Variants in EEFSEC observed in about 807,000 individuals in gnomAD.
EEFSEC encodes selenocysteine-specific elongation factor.
Under a neutral mutation model 42.1 loss-of-function variants are expected in EEFSEC, and 43 were observed. The ratio of observed to expected loss-of-function variants is 1.02; its 90% confidence interval spans 0.80 to 1.32. The LOEUF (loss-of-function observed/expected upper bound fraction) is 1.32. Ranked by LOEUF, EEFSEC falls within the 40% of genes most tolerant of loss-of-function variation. The pLI is 0.00. For missense variants in EEFSEC, 745 were observed against 803.6 expected (o/e 0.93, Z 0.88); for synonymous variants, 354 against 339.1 (o/e 1.04, Z -0.48).
At chr3:128,251,959 A>T (rs750959520) in intron 2 of EEFSEC, among the ~76,000 whole-genome samples, 7 of 152,182 alleles carry the variant, frequency 4.6e-5, no homozygotes, top group Non-Finnish European at 8.8e-5. Context: ...TTCCCCCAGG[A>T]TCCCTGTCAG....
At chr3:128,198,147 G>C (rs146026082) in intron 1 of EEFSEC, among the ~76,000 whole-genome samples, 3 of 152,274 alleles carry the variant, frequency 2.0e-5, no homozygotes, top group African/African-American at 4.8e-5. Flanking sequence ...GTAGGCAAGG[G>C]GGGGATGAAA....
rs569923930 is a variant in EEFSEC at position 128,282,673 on chromosome 3, A to G, written c.786+17892A>G. On this transcript the variant is annotated intron_variant, in intron 4 of 6. Transcript: ENST00000254730. ...TTCACCGGGGACTTGGTATGTGAAGATTTTCATCATCTAGGTGCCAGCACT... is the reference window on the plus strand; with the variant it reads ...TTCACCGGGGACTTGGTATGTGAAGGTTTTCATCATCTAGGTGCCAGCACT... 2.0e-5 allele frequency among the ~76,000 whole-genome samples: 3 copies of G among 152,210 alleles called. No homozygotes were observed. The South Asian group carries it at 6.2e-4, about 32-fold the overall frequency.
chr3:128,407,119 CAG>C (rs2068124487), intron 6 of EEFSEC, among the ~76,000 whole-genome samples: 1 of 152,138 alleles, frequency 6.6e-6, no homozygotes, highest in South Asian at 2.1e-4. Context: ...TGCACAAAGG[CAG>C]AGAGTGGTGA....
chr3:128,166,192 A>C (rs578079177), intron 1 of EEFSEC, among the ~76,000 whole-genome samples: 1 of 152,212 alleles, frequency 6.6e-6, no homozygotes, highest in Non-Finnish European at 1.5e-5. Flanking sequence ...GGGAGCCCTG[A>C]GGTGCTTACA....
chr3:128,262,052 C>A, intron 2 of EEFSEC, 76 bp from the exon 3 acceptor site: 1 of 1,386,300 alleles, frequency 7.2e-7, no homozygotes, highest in Non-Finnish European at 1.0e-6. Flanking sequence ...GGTACTGTGC[C>A]AGGTGCTTCA....
intron 5 of EEFSEC, among the ~76,000 whole-genome samples, chr3:128,343,466 G>T (rs921317608): frequency 3.3e-5 from 5 of 152,128 alleles, no homozygotes; most frequent in Non-Finnish European, 7.4e-5. Flanking sequence ...CGGGGGGGCC[G>T]CTGGGGCCTG....
intron 1 of EEFSEC, among the ~76,000 whole-genome samples, chr3:128,201,338 G>A (rs1282255587): frequency 1.3e-5 from 2 of 151,806 alleles, no homozygotes; most frequent in Admixed American, 1.3e-4. Context: ...AGAGATAGGA[G>A]ATGGGAAGTG....
At chr3:128,321,912 G>A (rs994670791) in intron 4 of EEFSEC, among the ~76,000 whole-genome samples, 1 of 152,184 alleles carries the variant, frequency 6.6e-6, no homozygotes, top group African/African-American at 2.4e-5. Flanking sequence ...GGAGCCTCCC[G>A]AGGCAGTGAG....
At chr3:128,404,794 A>G (rs1479295206) in intron 6 of EEFSEC, among the ~76,000 whole-genome samples, 8 of 152,208 alleles carry the variant, frequency 5.3e-5, no homozygotes, top group African/African-American at 1.9e-4. Context: ...GCAGGTCCCC[A>G]AGGCCATAGT....
intron 1 of EEFSEC, among the ~76,000 whole-genome samples, chr3:128,198,698 G>T (rs1054107119): frequency 6.6e-6 from 1 of 152,174 alleles, no homozygotes; most frequent in Admixed American, 6.5e-5. Flanking sequence ...TAAGAGTGTT[G>T]CTGGCACCTT....
At chr3:128,316,617 G>T (rs555336087) in intron 4 of EEFSEC, among the ~76,000 whole-genome samples, 1 of 152,326 alleles carries the variant, frequency 6.6e-6, no homozygotes, top group South Asian at 2.1e-4. Flanking sequence ...GGACTGTCAC[G>T]TGGGCTGAAG....
At chr3:128,402,194 C>G (rs1016398271) in intron 6 of EEFSEC, among the ~76,000 whole-genome samples, 2 of 152,382 alleles carry the variant, frequency 1.3e-5, no homozygotes, top group South Asian at 4.1e-4. Context: ...AGGAACAGTG[C>G]TTGCAACCCA....
chr3:128,359,704 T>C (rs1311461075), intron 6 of EEFSEC, among the ~76,000 whole-genome samples: 2 of 152,266 alleles, frequency 1.3e-5, no homozygotes, highest in Non-Finnish European at 2.9e-5. Flanking sequence ...TGATTTTATA[T>C]TGACATGTTA....
chr3:128,271,723 C>G (rs2066415089), intron 4 of EEFSEC, among the ~76,000 whole-genome samples: 1 of 152,134 alleles, frequency 6.6e-6, no homozygotes, highest in Admixed American at 6.5e-5. Flanking sequence ...CAGGTTCAAA[C>G]TCCCGGGCCC....
At chr3:128,315,449 T>G (rs2066934184) in intron 4 of EEFSEC, among the ~76,000 whole-genome samples, 1 of 152,110 alleles carries the variant, frequency 6.6e-6, no homozygotes, top group Non-Finnish European at 1.5e-5. Flanking sequence ...AAATGGAGGC[T>G]GAGAGAGAGT....
chr3:128,382,117 G>C (rs1009332004), intron 6 of EEFSEC, among the ~76,000 whole-genome samples: 16 of 152,244 alleles, frequency 1.1e-4, no homozygotes, highest in African/African-American at 3.9e-4. Flanking sequence ...ATGACGCCCA[G>C]CTCCTGGGGT....
intron 4 of EEFSEC, among the ~76,000 whole-genome samples, chr3:128,274,356 C>T (rs1049511110): frequency 4.6e-5 from 7 of 152,246 alleles, no homozygotes; most frequent in African/African-American, 1.4e-4. Context: ...CTCTAGAGCA[C>T]GCACGCATGT....
intron 1 of EEFSEC, among the ~76,000 whole-genome samples, chr3:128,225,132 C>G (rs957835995): frequency 3.3e-5 from 5 of 152,264 alleles, no homozygotes; most frequent in Admixed American, 1.3e-4. Context: ...CAGAAGAGCT[C>G]TTTTCTGGAA....
intron 4 of EEFSEC, among the ~76,000 whole-genome samples, chr3:128,312,498 G>GCACC (rs2066900304): frequency 6.6e-6 from 1 of 152,262 alleles, no homozygotes; most frequent in African/African-American, 2.4e-5. Flanking sequence ...TTTGGTGTGG[G>GCACC]CACCCACCGG....
Sources: allele counts gnomAD v4.1 joint callset (sites outside exome capture counted in the v4.1 genomes callset), GRCh38; gene constraint gnomAD v4.1.1; transcripts MANE v1.5; gene names NCBI Gene and HGNC (gene_info 2026-07-23, HGNC 2026-07-21).